ZNF385B: variants seen among roughly 807,000 people sequenced by gnomAD.
ZNF385B encodes the protein zinc finger protein 385B, also known as zinc finger protein 533.
In ZNF385B, 23 loss-of-function variants were observed where a neutral mutation model predicts 39.2. The observed-to-expected ratio is 0.59, with a 90% CI of 0.42 to 0.83. ZNF385B has a LOEUF of 0.83. ZNF385B is among the 40% of genes least tolerant of loss of function. ZNF385B has a pLI of 0.00. For synonymous variants in ZNF385B, 205 were observed against 222.6 expected, an observed-to-expected ratio of 0.92 and a Z score of 0.70; for missense variants, 552 against 598.9, an observed-to-expected ratio of 0.92 and a Z score of 0.82.
intron 4 of ZNF385B, among the ~76,000 whole-genome samples, chr2:179,543,415 C>T (rs1456851257): frequency 1.3e-5 from 2 of 152,142 alleles, no homozygotes; most frequent in Non-Finnish European, 2.9e-5. Flanking sequence ...TGCTAACTTC[C>T]AAAGGCACAT....
At chr2:179,518,772 T>C in intron 4 of ZNF385B, 134 bp from the exon 5 acceptor site, 1 of 490,034 alleles carries the variant, frequency 2.0e-6, no homozygotes, top group Non-Finnish European at 3.6e-6. Flanking sequence ...AAGAGTCTCC[T>C]TCAACAGTAA....
chr2:179,443,073 T>C lies in ZNF385B; in HGVS notation c.*177A>G, dbSNP rs769378210. The C allele has an allele frequency of 1.3e-4, 95 of 728,334 alleles. No homozygotes were observed. Among genetic ancestry groups the C allele is most frequent in the Non-Finnish European group, 1.5e-4 (62 of 422,140 alleles). 45.1% of individuals were successfully genotyped at this position (728,334 alleles called of 1,614,324 possible). A position where few individuals can be genotyped will look rare whatever the true frequency, so the allele number is the denominator to read the frequency against. On this transcript the variant is annotated 3_prime_UTR_variant, in exon 10 of 10. Coordinates refer to ENST00000410066, the MANE Select transcript of ZNF385B (RefSeq NM_152520.6). ...ATTCCTCAATTATAGGAGCAGTCTC[T>C]AAAAGCCCTCGTCAATCTAGTGATG... is the stretch of plus-strand genomic sequence containing the variant.
intron 1 of ZNF385B, among the ~76,000 whole-genome samples, chr2:179,806,160 T>C (rs995518179): frequency 6.6e-6 from 1 of 151,810 alleles, no homozygotes; most frequent in Admixed American, 6.6e-5. Flanking sequence ...ACTGGGAAAA[T>C]AAATTTACCC....
intron 5 of ZNF385B, among the ~76,000 whole-genome samples, chr2:179,505,343 C>T (rs1389085048): frequency 6.6e-6 from 1 of 151,790 alleles, no homozygotes; most frequent in Non-Finnish European, 1.5e-5. Flanking sequence ...TTTAGTTTAG[C>T]AGTGTATATA....
chr2:179,638,582 A>G (rs974831805), intron 3 of ZNF385B, among the ~76,000 whole-genome samples: 2 of 152,196 alleles, frequency 1.3e-5, no homozygotes, highest in African/African-American at 4.8e-5. Context: ...TGAGGGTAGC[A>G]GTATAGCAAC....
intron 6 of ZNF385B, among the ~76,000 whole-genome samples, chr2:179,450,176 C>G (rs1244973951): frequency 2.6e-5 from 4 of 151,856 alleles, no homozygotes; most frequent in Non-Finnish European, 5.9e-5. Context: ...CAATACCATT[C>G]AGGACATAGG....
intron 3 of ZNF385B, among the ~76,000 whole-genome samples, chr2:179,754,095 C>G (rs570086746): frequency 1.3e-5 from 2 of 152,140 alleles, no homozygotes; most frequent in South Asian, 4.2e-4. Context: ...TTATTATTTT[C>G]AGATACGTCC....
chr2:179,584,194 G>T (rs971296418), intron 3 of ZNF385B: 1 of 333,160 alleles, frequency 3.0e-6, no homozygotes, highest in Non-Finnish European at 5.9e-6. Context: ...ATATTATAGG[G>T]ATGTAGGCAG....
At chr2:179,732,446 A>G (rs1701454999) in intron 3 of ZNF385B, among the ~76,000 whole-genome samples, 1 of 152,226 alleles carries the variant, frequency 6.6e-6, no homozygotes, top group South Asian at 2.1e-4. Flanking sequence ...AAAGAAGAAC[A>G]TATTTCAAAG....
At chr2:179,524,316 G>C (rs1228948290) in intron 4 of ZNF385B, among the ~76,000 whole-genome samples, 1 of 152,062 alleles carries the variant, frequency 6.6e-6, no homozygotes, top group Admixed American at 6.5e-5. Context: ...ACTTTGGGAA[G>C]CTGAGGCCGG....
intron 3 of ZNF385B, among the ~76,000 whole-genome samples, chr2:179,768,882 C>T (rs1322792152): frequency 6.6e-6 from 1 of 152,182 alleles, no homozygotes; most frequent in Non-Finnish European, 1.5e-5. Context: ...TGCTTCTATC[C>T]AGCCCACAAG....
chr2:179,800,107 C>A (rs1410230271), intron 1 of ZNF385B, among the ~76,000 whole-genome samples: 3 of 152,116 alleles, frequency 2.0e-5, no homozygotes, highest in Non-Finnish European at 2.9e-5. Flanking sequence ...ATAGAAAATA[C>A]ATCTTCAGAT....
rs182311278 is a variant in ZNF385B, at chr2:179,548,170, T to A, written c.299-3201A>T. ...ATAAGATGATACCATCTGCAAATAA[T>A]GATAATTTGACTTTTTCCTTTCCAA... On this transcript the variant is annotated intron_variant, in intron 3 of 9. Transcript: ENST00000410066. 1.3e-5 allele frequency among the ~76,000 whole-genome samples: 2 copies of A among 149,844 alleles called. 1 individual carries two copies. Among genetic ancestry groups the A allele is most frequent in the African/African-American group, 5.0e-5 (2 of 39,960 alleles).
At chr2:179,851,634 T>C (rs1684168938) in intron 1 of ZNF385B, among the ~76,000 whole-genome samples, 1 of 152,220 alleles carries the variant, frequency 6.6e-6, no homozygotes, top group Admixed American at 6.5e-5. Context: ...TAGAACACTA[T>C]TGCTGGATTT....
chr2:179,577,947 T>C (rs530896532), intron 3 of ZNF385B, among the ~76,000 whole-genome samples: 15 of 152,242 alleles, frequency 9.9e-5, no homozygotes, highest in South Asian at 8.3e-4. Context: ...AGTATCTAAA[T>C]AGTTTTTCCT....
intron 5 of ZNF385B, among the ~76,000 whole-genome samples, chr2:179,512,001 TG>T (rs2057722222): frequency 6.6e-6 from 1 of 152,302 alleles, no homozygotes; most frequent in Non-Finnish European, 1.5e-5. Context: ...AAAAATCAAA[TG>T]GGCTAGCTCC....
chr2:179,503,049 A>G (rs1209126323), intron 5 of ZNF385B, among the ~76,000 whole-genome samples: 8 of 151,944 alleles, frequency 5.3e-5, no homozygotes, highest in Non-Finnish European at 2.9e-5. Flanking sequence ...TAATTTTTGT[A>G]TTTTTTATAG....
intron 1 of ZNF385B, among the ~76,000 whole-genome samples, chr2:179,844,354 TCA>T (rs1708692719): frequency 6.6e-6 from 1 of 152,224 alleles, no homozygotes; most frequent in Non-Finnish European, 1.5e-5. Context: ...AGGCCTTGGT[TCA>T]CAGTCATATC....
chr2:179,624,948 T>C (rs578134567), intron 3 of ZNF385B, among the ~76,000 whole-genome samples: 6 of 127,834 alleles, frequency 4.7e-5, no homozygotes, highest in Non-Finnish European at 9.9e-5. Context: ...GAGAATTGTT[T>C]GAACAATTTC....
Sources: gnomAD v4.1 joint callset for allele counts (sites outside exome capture counted in the v4.1 genomes callset) on GRCh38, gnomAD v4.1.1 for gene constraint, MANE v1.5 for transcripts, NCBI Gene and HGNC (gene_info 2026-07-23, HGNC 2026-07-21) for gene names.